NDUFAF3: variants seen among roughly 807,000 people sequenced by gnomAD.
The protein encoded by NDUFAF3 is NADH dehydrogenase [ubiquinone] 1 alpha subcomplex assembly factor 3.
NDUFAF3 carries 21 observed loss-of-function variants against 22.6 expected under a neutral mutation model. The ratio of observed to expected loss-of-function variants is 0.93; its 90% CI spans 0.66 to 1.34. NDUFAF3 has a LOEUF of 1.34. Ranked by LOEUF, NDUFAF3 falls within the 40% of genes most tolerant of loss-of-function variation. The pLI, the probability that NDUFAF3 is intolerant of heterozygous loss-of-function variation, is 0.00. For synonymous variants in NDUFAF3, 113 were observed against 104.9 expected (o/e 1.08, Z -0.47); for missense variants, 251 against 248.4 (o/e 1.01, Z -0.07).
At chr3:49,021,564 G>C (rs992110520), upstream of NDUFAF3, 1 of 157,522 alleles carries the variant, frequency 6.3e-6, no homozygotes, top group South Asian at 1.6e-4. This position sits in a 1 kb window ranked among gnomAD's most constrained non-coding sequence, Gnocchi z 4.1. Context: ...GCCCCCTAGA[G>C]AACCCGAGAA....
At position 49,022,181 on chromosome 3, in the gene NDUFAF3, G is replaced by C. The variant is rs1268968417; in HGVS notation, c.37G>C (p.Ala13Pro). Reference protein sequence around the residue: ...TALALRSLYRARPSLRCPPVE... With the variant: ...TALALRSLYRPRPSLRCPPVE... ...TCTCGCGCTACGTAGCTTGTACCGA[G>C]CGCGACCCTCGCTGCGCTGTCCGCC... is the stretch of plus-strand genomic sequence containing the variant. The change falls in exon 1 of 5, where the codon GCG becomes CCG. Residue 13 changes from alanine (A) to proline (P), a missense_variant. Coordinates refer to ENST00000326925, the MANE Select transcript of NDUFAF3 (RefSeq NM_199069.2). The surrounding 1 kb of genome is among the most constrained non-coding windows in gnomAD (Gnocchi z 6.6). The C allele has an allele frequency of 6.2e-7, 1 of 1,610,568 alleles. No homozygotes were observed. Among genetic ancestry groups the C allele is most frequent in the Admixed American group, 1.7e-5 (1 of 59,996 alleles).
chr3:49,023,229 C>A lies in NDUFAF3; in HGVS notation c.*57C>A. 1 of 1,240,500 alleles carries A rather than the reference C, an allele frequency of 8.1e-7. No individual in the cohort carries two copies. 76.8% of individuals were successfully genotyped at this position (1,240,500 alleles called of 1,614,324 possible). Reference sequence around the variant, plus strand: ...TGCCAGGCTTCCCAATGCTTTCACTCTTATCTACCCTTTGGCACTTATCTT... The same window carrying A: ...TGCCAGGCTTCCCAATGCTTTCACTATTATCTACCCTTTGGCACTTATCTT... On this transcript the variant is annotated 3_prime_UTR_variant, in exon 5 of 5. Transcript: ENST00000326925.
chr3:49,020,483 A>C (rs1575299928), upstream of NDUFAF3: 1 of 387,314 alleles, frequency 2.6e-6, no homozygotes, highest in Admixed American at 3.1e-5. Flanking sequence ...AGAGATGGCC[A>C]CCAGCCTCGG....
At position 49,023,300 on chromosome 3, in the gene NDUFAF3, G is replaced by T; in HGVS notation, c.*128G>T. ...ATACACTTCTCCCATTTTGTATCAG[G>T]TGTGTTGCTGGCCAGGAGCTGATGG... On this transcript the variant is annotated 3_prime_UTR_variant, in exon 5 of 5. Coordinates refer to ENST00000326925, the MANE Select transcript of NDUFAF3 (RefSeq NM_199069.2). The T allele has an allele frequency of 1.2e-6, 1 of 834,544 alleles. No homozygotes were observed. The highest frequency in any genetic ancestry group is 2.1e-6 in the Non-Finnish European group (1 of 482,108). The allele number at this position is 834,544 out of a possible 1,614,324, so 51.7% of individuals were successfully genotyped here.
rs770435716 is a variant in NDUFAF3, at chr3:49,022,203, C to T, written c.59C>T (p.Pro20Leu). Reference sequence around the variant, plus strand: ...CGAGCGCGACCCTCGCTGCGCTGTCCGCCCGTTGAGCTTCCCTGGTGAGCT... The same window carrying T: ...CGAGCGCGACCCTCGCTGCGCTGTCTGCCCGTTGAGCTTCCCTGGTGAGCT... Reference protein sequence around the residue: ...LYRARPSLRCPPVELPWAPRR... With the variant: ...LYRARPSLRCLPVELPWAPRR... Residue 20 changes from proline (P) to leucine (L), a missense_variant, in exon 1 of 5, where the codon CCG (proline) becomes CTG (leucine). Physicochemically the swap from Pro to Leu is moderately conservative, Grantham distance 98 (BLOSUM62 -3). Coordinates refer to ENST00000326925, the MANE Select transcript of NDUFAF3 (RefSeq NM_199069.2). This position sits in a 1 kb window ranked among gnomAD's most constrained non-coding sequence, Gnocchi z 6.6. The T allele has an allele frequency of 4.3e-6, 7 of 1,610,848 alleles. No homozygotes were observed. The highest frequency in any genetic ancestry group is 1.3e-5 in the African/African-American group (1 of 74,918).
rs747865871 is a variant in NDUFAF3, at chr3:49,023,239, C to T, written c.*67C>T. 11 of 1,148,170 alleles carry T rather than the reference C, an allele frequency of 9.6e-6. No homozygotes were observed. The South Asian group carries it at 1.1e-4, about 12-fold the overall frequency. 71.1% of individuals were successfully genotyped at this position (1,148,170 alleles called of 1,614,324 possible). A position where few individuals can be genotyped will look rare whatever the true frequency, so the allele number is the denominator to read the frequency against. On this transcript the variant is annotated 3_prime_UTR_variant, in exon 5 of 5. Coordinates refer to ENST00000326925, the MANE Select transcript of NDUFAF3 (RefSeq NM_199069.2). The stretch of plus-strand genomic sequence containing the variant: ...CCCAATGCTTTCACTCTTATCTACC[C>T]TTTGGCACTTATCTTGCTTATCAAC...
At position 49,022,235 on chromosome 3, in the gene NDUFAF3, C is replaced by CCG. The variant is rs2093166113; in HGVS notation, c.77+18_77+19dup. The CCG allele has an allele frequency of 6.2e-7, 1 of 1,610,374 alleles. No individual in the cohort carries two copies. The highest frequency in any genetic ancestry group is 1.3e-5 in the African/African-American group (1 of 74,912). On this transcript the variant is annotated intron_variant, in intron 1 of 4. Transcript: ENST00000326925. This position sits in a 1 kb window ranked among gnomAD's most constrained non-coding sequence, Gnocchi z 6.6. ...TGAGCTTCCCTGGTGAGCTTGGACC[C>CCG]CGCGCCCTCGACCATCCAGCCCCCT...
chr3:49,021,904 C>T (rs573066357), upstream of NDUFAF3: 1,967 of 578,570 alleles, frequency 3.4e-3, 7 homozygotes, highest in Middle Eastern at 0.011. This position sits in a 1 kb window ranked among gnomAD's most constrained non-coding sequence, Gnocchi z 4.1. Context: ...TCCACTCCCC[C>T]GGGACTATGG....
upstream of NDUFAF3, chr3:49,022,085 G>A (rs895376366): frequency 6.5e-7 from 1 of 1,545,468 alleles, no homozygotes. The surrounding 1 kb of genome is among the most constrained non-coding windows in gnomAD (Gnocchi z 6.6). Flanking sequence ...GGCTCCGCAG[G>A]GCCCTCCCAA....
In NDUFAF3 at chr3:49,023,121, C is replaced by T. The variant is rs2093178951; in HGVS notation, c.504C>T (p.Ile168=). ...GCCGAGTAACTGGAGCTGCTCTCAT[C>T]CCTCCACCAGGAGGGACTTCACTTA... The part of the protein sequence containing the change: ...HEGRVTGAAL[I]PPPGGTSLTS... The change falls in exon 5 of 5, where the codon ATC becomes ATT. Residue 168 remains isoleucine (I), a synonymous_variant. Transcript: ENST00000326925. The T allele has an allele frequency of 1.9e-6, 3 of 1,614,064 alleles. No homozygotes were observed. Among genetic ancestry groups the T allele is most frequent in the South Asian group, 1.1e-5 (1 of 91,088 alleles).
At chr3:49,022,077 C>T, upstream of NDUFAF3, 2 of 1,519,342 alleles carry the variant, frequency 1.3e-6, no homozygotes, top group Non-Finnish European at 1.8e-6. This position sits in a 1 kb window ranked among gnomAD's most constrained non-coding sequence, Gnocchi z 6.6. Context: ...CTGGGTCAGG[C>T]TCCGCAGGGC....
chr3:49,021,485 G>A (rs900338123), upstream of NDUFAF3: 2 of 154,812 alleles, frequency 1.3e-5, no homozygotes, highest in South Asian at 1.8e-4. This position sits in a 1 kb window ranked among gnomAD's most constrained non-coding sequence, Gnocchi z 4.1. Context: ...CACTATCACA[G>A]CTTGCCCTTC....
upstream of NDUFAF3, chr3:49,021,837 G>A (rs1461224600): frequency 1.7e-5 from 8 of 468,544 alleles, no homozygotes; most frequent in African/African-American, 4.2e-5. The surrounding 1 kb of genome is among the most constrained non-coding windows in gnomAD (Gnocchi z 4.1). Context: ...GAGCCCGGGG[G>A]CCAGGCCGCG....
rs1575305346 is a variant in NDUFAF3, at chr3:49,022,871, C to T, written c.338-5C>T. On this transcript the variant is annotated splice_region_variant and splice_polypyrimidine_tract_variant and intron_variant, in intron 3 of 4. Coordinates refer to ENST00000326925, the MANE Select transcript of NDUFAF3 (RefSeq NM_199069.2). This position sits in a 1 kb window ranked among gnomAD's most constrained non-coding sequence, Gnocchi z 6.6. Reference sequence around the variant, plus strand: ...TGTAGACTAGCCACACCCACCCTTCCCTAGAGATCGTGGTGGTGGGGACTG... The same window carrying T: ...TGTAGACTAGCCACACCCACCCTTCTCTAGAGATCGTGGTGGTGGGGACTG... 2 of 1,613,868 alleles carry T rather than the reference C, an allele frequency of 1.2e-6. No individual in the cohort carries two copies. The highest frequency in any genetic ancestry group is 1.7e-6 in the Non-Finnish European group (2 of 1,180,016).
upstream of NDUFAF3, chr3:49,020,913 A>T (rs1282177448): frequency 7.5e-6 from 2 of 268,450 alleles, no homozygotes; most frequent in Non-Finnish European, 1.6e-5. Flanking sequence ...TCCGGATTAG[A>T]TCCGTGGGGC....
At position 49,022,610 on chromosome 3, in the gene NDUFAF3, A is replaced by T; in HGVS notation, c.270+72A>T. On this transcript the variant is annotated intron_variant, in intron 2 of 4. Coordinates refer to ENST00000326925, the MANE Select transcript of NDUFAF3 (RefSeq NM_199069.2). This position sits in a 1 kb window ranked among gnomAD's most constrained non-coding sequence, Gnocchi z 6.6. ...CCCTCACCCTGCTTGGTCCCTGCAA[A>T]CTTGGCTTTCCTCTGTCTCCTCCTG... 6.2e-7 allele frequency: 1 copy of T among 1,613,184 alleles called. No individual in the cohort carries two copies.
upstream of NDUFAF3, chr3:49,020,456 A>G (rs969454862): frequency 3.7e-5 from 14 of 381,710 alleles, no homozygotes; most frequent in Admixed American, 6.1e-5. Flanking sequence ...TCCCTCGCCA[A>G]TCCTCCCCAG....
At chr3:49,021,913 G>T (rs988250075), upstream of NDUFAF3, 9 of 586,648 alleles carry the variant, frequency 1.5e-5, no homozygotes, top group African/African-American at 1.7e-4. The surrounding 1 kb of genome is among the most constrained non-coding windows in gnomAD (Gnocchi z 4.1). Flanking sequence ...CCGGGACTAT[G>T]GGCAAGGGCC....
At position 49,022,781 on chromosome 3, in the gene NDUFAF3, G is replaced by A; in HGVS notation, c.337+13G>A. ...GAGCCCCGGATAGGTACTGGGGAAG[G>A]GGAGGGAGAACAGAGGTGTTCTGGG... On this transcript the variant is annotated intron_variant, in intron 3 of 4. Coordinates refer to ENST00000326925, the MANE Select transcript of NDUFAF3 (RefSeq NM_199069.2). This position sits in a 1 kb window ranked among gnomAD's most constrained non-coding sequence, Gnocchi z 6.6. The A allele has an allele frequency of 6.2e-7, 1 of 1,613,964 alleles. No homozygotes were observed. The highest frequency in any genetic ancestry group is 8.5e-7 in the Non-Finnish European group (1 of 1,180,018).
Sources: gnomAD v4.1 joint callset for allele counts on GRCh38, gnomAD v4.1.1 for gene constraint, Gnocchi (gnomAD v3.1) non-coding constraint, MANE v1.5 for transcripts, NCBI Gene and HGNC (gene_info 2026-07-23, HGNC 2026-07-21) for gene names.